Variants in CPB2 observed in about 807,000 individuals in gnomAD.
CPB2 encodes carboxypeptidase B2, also known as carboxypeptidase B-like protein.
Under a neutral mutation model 57.0 loss-of-function variants are expected in CPB2, and 54 were observed. The ratio of observed to expected loss-of-function variants is 0.95; its 90% CI spans 0.76 to 1.19. The LOEUF (loss-of-function observed/expected upper bound fraction) is 1.19. Ranked by LOEUF, CPB2 falls within the 50% of genes most tolerant of loss-of-function variation. The probability of loss-of-function intolerance (pLI) is 0.00; values close to 1 mark genes in which losing one functional copy is unlikely to be tolerated. For synonymous variants in CPB2, 189 were observed against 178.1 expected (o/e 1.06, Z -0.49); for missense variants, 426 against 512.0 (o/e 0.83, Z 1.62).
At chr13:46,095,084 T>G (rs1204221274) in intron 1 of CPB2, 1 of 152,198 alleles carries the variant, frequency 6.6e-6, no homozygotes, top group African/African-American at 2.4e-5. Flanking sequence ...AAGTTGATTT[T>G]GAAACTTGGG....
At chr13:46,097,106 C>G (rs970617598) in intron 1 of CPB2, 1 of 152,146 alleles carries the variant, frequency 6.6e-6, no homozygotes, top group South Asian at 2.1e-4. Context: ...TAATGCCTAA[C>G]CAGGAGCACC....
Position 46,082,950 on chromosome 13 carries a change from TTTTC to T in CPB2, c.276-405_276-402del, listed in dbSNP as rs2045142749. 2.0e-5 allele frequency among the ~76,000 whole-genome samples: 3 copies of T among 152,086 alleles called. No homozygotes were observed. In the East Asian group the frequency reaches 5.8e-4, roughly 29 times the overall value. On this transcript the variant is annotated intron_variant, in intron 3 of 10. Coordinates refer to ENST00000181383, the MANE Select transcript of CPB2 (RefSeq NM_001872.5). Reference sequence around the variant, plus strand: ...AAGAGGAAGAAGAAGCAGAAAAGCCTTTTCTTTCTTTTTTTTTTTTTCTTATTTT... The same window carrying T: ...AAGAGGAAGAAGAAGCAGAAAAGCCTTTTCTTTTTTTTTTTTTCTTATTTT...
intron 5 of CPB2, among the ~76,000 whole-genome samples, chr13:46,075,419 A>T (rs1237175851): frequency 2.0e-5 from 3 of 152,234 alleles, no homozygotes; most frequent in South Asian, 4.1e-4. Flanking sequence ...TTATCTGCAC[A>T]TCCTTGATCA....
At chr13:46,095,129 G>A (rs555114707) in intron 1 of CPB2, 28 of 152,168 alleles carry the variant, frequency 1.8e-4, no homozygotes, top group Non-Finnish European at 3.1e-4. Flanking sequence ...AGCTCATAGC[G>A]GGTGCACCAT....
intron 8 of CPB2, among the ~76,000 whole-genome samples, chr13:46,060,551 A>T (rs1341148041): frequency 6.6e-6 from 1 of 152,198 alleles, no homozygotes; most frequent in Non-Finnish European, 1.5e-5. Context: ...TTTCAAGTGT[A>T]ACCAATATAA....
chr13:46,070,112 C>G (rs1221660158), intron 6 of CPB2, among the ~76,000 whole-genome samples: 1 of 152,128 alleles, frequency 6.6e-6, no homozygotes, highest in Non-Finnish European at 1.5e-5. Context: ...CCCATGCCAC[C>G]ATTCCATTTT....
Position 46,082,472 on chromosome 13 carries a change from G to T in CPB2, c.353C>A (p.Ser118Ter), listed in dbSNP as rs374795711. ...NDTVSPRASA[S>*]YYEQYHSLNE... ...TAGTGAGTGATACTGTTCATAGTAC[G>T]ATGCGGAGGCTCGGGGGCTGACTGT... Residue 118 changes from serine to a stop codon, truncating the protein, a stop_gained, in exon 4 of 11, where the codon TCG becomes TAG. Coordinates refer to ENST00000181383, the MANE Select transcript of CPB2 (RefSeq NM_001872.5). LOFTEE classifies it high-confidence loss of function. 10 of 1,612,832 alleles carry T rather than the reference G, an allele frequency of 6.2e-6. No homozygotes were observed. Among genetic ancestry groups the T allele is most frequent in the Non-Finnish European group, 7.6e-6 (9 of 1,179,124 alleles).
chr13:46,100,984 G>A (rs1029718219), intron 1 of CPB2: 1 of 152,196 alleles, frequency 6.6e-6, no homozygotes, highest in African/African-American at 2.4e-5. Flanking sequence ...TGAGGCAGTT[G>A]TTTTCCTATA....
At chr13:46,064,503 T>C (rs1353436459) in intron 8 of CPB2, 145 bp downstream of exon 8, 4 of 634,120 alleles carry the variant, frequency 6.3e-6, no homozygotes, top group Admixed American at 2.8e-5. Flanking sequence ...GTCGCAGCAT[T>C]ACATTTACCT....
At chr13:46,088,569 G>A (rs1423952946) in intron 1 of CPB2, among the ~76,000 whole-genome samples, 1 of 152,148 alleles carries the variant, frequency 6.6e-6, no homozygotes, top group East Asian at 1.9e-4. Flanking sequence ...TAATTTCATA[G>A]GATAGTGTCA....
At chr13:46,092,794 G>A (rs753594790) in intron 1 of CPB2, among the ~76,000 whole-genome samples, 1 of 152,212 alleles carries the variant, frequency 6.6e-6, no homozygotes, top group South Asian at 2.1e-4. Flanking sequence ...CCTAGAGAAG[G>A]TCTTGAATGC....
intron 8 of CPB2, among the ~76,000 whole-genome samples, chr13:46,061,091 C>T (rs992374700): frequency 3.5e-4 from 53 of 151,958 alleles, no homozygotes; most frequent in African/African-American, 1.3e-3. Flanking sequence ...CTCTTTGGGA[C>T]AATTAAAAAA....
In CPB2 at chr13:46,097,495, G is replaced by C. The variant is rs112525031; in HGVS notation, c.74+7441C>G. ...CAAGCATCACCATACAAGGGCTTAC[G>C]GAGTGTTTGACCACTGATAAAACAT... On this transcript the variant is annotated intron_variant, in intron 1 of 10. Transcript: ENST00000181383. 3.9e-5 allele frequency: 6 copies of C among 152,152 alleles called. No homozygotes were observed. The East Asian group carries it at 1.2e-3, about 29-fold the overall frequency. 9.4% of individuals were successfully genotyped at this position (152,152 alleles called of 1,614,324 possible).
At chr13:46,053,925 T>A in intron 10 of CPB2, 127 bp from the exon 11 acceptor site, 1 of 840,044 alleles carries the variant, frequency 1.2e-6, no homozygotes. Flanking sequence ...TTAACTAATA[T>A]AAACAACTTT....
intron 1 of CPB2, among the ~76,000 whole-genome samples, chr13:46,104,500 G>A (rs186418740): frequency 6.7e-4 from 102 of 152,264 alleles, no homozygotes; most frequent in African/African-American, 2.4e-3. Flanking sequence ...AATCATGCAT[G>A]ATCCAAACCT....
intron 8 of CPB2, among the ~76,000 whole-genome samples, chr13:46,063,937 T>C (rs2044813992): frequency 6.6e-6 from 1 of 151,894 alleles, no homozygotes; most frequent in Non-Finnish European, 1.5e-5. Flanking sequence ...TCAAACACTA[T>C]AGAAGTAAAC....
At chr13:46,055,971 C>A in intron 9 of CPB2, 122 bp from the exon 10 acceptor site, 1 of 486,720 alleles carries the variant, frequency 2.1e-6, no homozygotes, top group Non-Finnish European at 3.6e-6. Context: ...AATCTAGATT[C>A]ATCTAAAAGG....
intron 1 of CPB2, among the ~76,000 whole-genome samples, chr13:46,093,671 T>C (rs1459432147): frequency 6.6e-6 from 1 of 152,194 alleles, no homozygotes; most frequent in African/African-American, 2.4e-5. Context: ...AAAAATTATA[T>C]GTGTTAAAAT....
intron 1 of CPB2, among the ~76,000 whole-genome samples, chr13:46,093,074 G>A (rs1163364853): frequency 6.6e-6 from 1 of 151,952 alleles, no homozygotes; most frequent in Non-Finnish European, 1.5e-5. Flanking sequence ...CACCATGCCC[G>A]GCTAATTTTT....
Sources: allele counts gnomAD v4.1 joint callset (sites outside exome capture counted in the v4.1 genomes callset), GRCh38; gene constraint gnomAD v4.1.1; transcripts MANE v1.5; gene names NCBI Gene and HGNC (gene_info 2026-07-23, HGNC 2026-07-21).